MICU1: variants seen among roughly 807,000 people sequenced by gnomAD.
MICU1 encodes the protein calcium uptake protein 1, mitochondrial.
Under a neutral mutation model 56.8 loss-of-function variants are expected in MICU1, and 45 were observed. The ratio of observed to expected loss-of-function variants is 0.79; its 90% CI spans 0.62 to 1.02. The LOEUF (loss-of-function observed/expected upper bound fraction) is 1.02. Ranked by LOEUF, MICU1 falls within the 50% of genes least tolerant of loss-of-function variation. The pLI is 0.00. For synonymous variants in MICU1, 186 were observed against 195.1 expected (o/e 0.95, Z 0.39); for missense variants, 504 against 587.1 (o/e 0.86, Z 1.46).
At chr10:72,526,078 A>AT (rs893888573) in intron 5 of MICU1, among the ~76,000 whole-genome samples, 32 of 148,130 alleles carry the variant, frequency 2.2e-4, no homozygotes, top group South Asian at 6.4e-4. Flanking sequence ...CCAAAGCCAG[A>AT]TTTTTTTTTT....
chr10:72,382,117 T>A (rs541266044), intron 10 of MICU1, among the ~76,000 whole-genome samples: 1 of 151,330 alleles, frequency 6.6e-6, no homozygotes, highest in African/African-American at 2.4e-5. Flanking sequence ...GGATCTGAAT[T>A]CTTTTTTTTT....
chr10:72,597,118 TA>T (rs1564954570), intron 1 of MICU1, among the ~76,000 whole-genome samples: 2 of 152,134 alleles, frequency 1.3e-5, no homozygotes, highest in South Asian at 4.1e-4. Flanking sequence ...TCTATTAATT[TA>T]AAAAAATTTT....
intron 6 of MICU1, among the ~76,000 whole-genome samples, chr10:72,501,496 A>G (rs1287937568): frequency 6.6e-6 from 1 of 151,994 alleles, no homozygotes; most frequent in East Asian, 1.9e-4. Flanking sequence ...TTACCTTGCC[A>G]CCATGCTTAA....
chr10:72,579,241 T>C (rs930144723), intron 1 of MICU1, among the ~76,000 whole-genome samples: 2 of 152,096 alleles, frequency 1.3e-5, no homozygotes, highest in African/African-American at 4.8e-5. Context: ...CAACAAAAAA[T>C]TATTGCTTAT....
At chr10:72,517,882 C>G (rs1867698050) in intron 5 of MICU1, among the ~76,000 whole-genome samples, 1 of 151,624 alleles carries the variant, frequency 6.6e-6, no homozygotes, top group South Asian at 2.1e-4. Context: ...ATTCTTTCCC[C>G]TAAGCAAACA....
chr10:72,523,206 G>A (rs538030023), intron 5 of MICU1, among the ~76,000 whole-genome samples: 1 of 152,210 alleles, frequency 6.6e-6, no homozygotes, highest in South Asian at 2.1e-4. Context: ...GAGAGGAAGA[G>A]TTTTTAGCTA....
chr10:72,523,888 C>G, intron 5 of MICU1: 1 of 1,514,880 alleles, frequency 6.6e-7, no homozygotes, highest in Non-Finnish European at 8.8e-7. Flanking sequence ...AGTTGCTTTT[C>G]CAAATTAAAG....
At position 72,368,156 on chromosome 10, in the gene MICU1, G is replaced by A. The variant is rs776317997; in HGVS notation, c.*39C>T. Reference sequence around the variant, plus strand: ...CCGAGACTCTGCGGAGGGGGTCCAGGGTACTGGGGGTGGAGGGGTCCCCTC... The same window carrying A: ...CCGAGACTCTGCGGAGGGGGTCCAGAGTACTGGGGGTGGAGGGGTCCCCTC... On this transcript the variant is annotated 3_prime_UTR_variant, in exon 12 of 12. Transcript: ENST00000361114. The A allele has an allele frequency of 6.3e-7, 1 of 1,588,762 alleles. No homozygotes were observed. The highest frequency in any genetic ancestry group is 2.3e-5 in the East Asian group (1 of 44,252).
intron 5 of MICU1, among the ~76,000 whole-genome samples, chr10:72,509,709 T>C (rs1867380163): frequency 6.6e-6 from 1 of 152,162 alleles, no homozygotes; most frequent in South Asian, 2.1e-4. Context: ...TAGAGATTAC[T>C]TCTTTGAGTT....
chr10:72,607,470 C>T (rs374763302), intron 1 of MICU1, among the ~76,000 whole-genome samples: 8 of 151,828 alleles, frequency 5.3e-5, no homozygotes, highest in African/African-American at 1.9e-4. Context: ...GAAACCCTGT[C>T]TCTACTAAAA....
intron 1 of MICU1, among the ~76,000 whole-genome samples, chr10:72,607,852 T>TG (rs908139795): frequency 4.4e-4 from 66 of 151,118 alleles, no homozygotes; most frequent in Non-Finnish European, 6.8e-4. Context: ...CATTAACCTG[T>TG]GGGGGGGGTC....
At chr10:72,381,916 T>C (rs930321386) in intron 10 of MICU1, among the ~76,000 whole-genome samples, 1 of 151,064 alleles carries the variant, frequency 6.6e-6, no homozygotes. Context: ...GACACACCCA[T>C]GGGACAATCA....
At chr10:72,531,846 C>A (rs1320056902) in intron 5 of MICU1, among the ~76,000 whole-genome samples, 1 of 150,712 alleles carries the variant, frequency 6.6e-6, no homozygotes. Context: ...TTAAACTGAT[C>A]AAACAATAAA....
At chr10:72,406,608 T>TA (rs371156230) in intron 10 of MICU1, among the ~76,000 whole-genome samples, 136 of 142,340 alleles carry the variant, frequency 9.6e-4, no homozygotes, top group Middle Eastern at 3.6e-3. Flanking sequence ...TACTCCTTAT[T>TA]AAAAAAAAAA....
intron 6 of MICU1, among the ~76,000 whole-genome samples, chr10:72,493,278 GTCA>G (rs1866729584): frequency 6.6e-6 from 1 of 152,066 alleles, no homozygotes; most frequent in Non-Finnish European, 1.5e-5. Flanking sequence ...TATGTTTTGA[GTCA>G]TCATTATGAA....
At position 72,407,031 on chromosome 10, in the gene MICU1, C is replaced by G. The variant is rs375422017; in HGVS notation, c.1180+898G>C. Reference sequence around the variant, plus strand: ...TTGAGTGAAACCTTAGACGAGTGTACATTTATATAATTCCAATGTATGAAG... The same window carrying G: ...TTGAGTGAAACCTTAGACGAGTGTAGATTTATATAATTCCAATGTATGAAG... On this transcript the variant is annotated intron_variant, in intron 10 of 11. Coordinates refer to ENST00000361114, the MANE Select transcript of MICU1 (RefSeq NM_001195518.2). Among the ~76,000 whole-genome samples, 3 of 152,240 alleles carry G rather than the reference C, an allele frequency of 2.0e-5. No homozygotes were observed. The South Asian group carries it at 6.2e-4, about 32-fold the overall frequency.
intron 6 of MICU1, among the ~76,000 whole-genome samples, chr10:72,495,659 A>C (rs1031265399): frequency 1.7e-4 from 10 of 58,062 alleles, no homozygotes; most frequent in Non-Finnish European, 7.2e-4. Context: ...CTGTCTCAAA[A>C]AAAAAAAAAA....
intron 1 of MICU1, among the ~76,000 whole-genome samples, chr10:72,567,983 A>G (rs995558359): frequency 3.9e-5 from 6 of 152,188 alleles, no homozygotes; most frequent in African/African-American, 1.4e-4. Context: ...TAACTTGCTC[A>G]AGAGTACAAA....
Position 72,411,389 on chromosome 10 carries a change from G to A in MICU1, c.1072-3352C>T, listed in dbSNP as rs111473076. On this transcript the variant is annotated intron_variant, in intron 9 of 11. Coordinates refer to ENST00000361114, the MANE Select transcript of MICU1 (RefSeq NM_001195518.2). ...ATCGCCCAGGCTGGAGTGCAGTGGC[G>A]CGATCTCGGCTCACTGCAAGTTCCG... 2.2e-3 allele frequency among the ~76,000 whole-genome samples: 329 copies of A among 151,342 alleles called. 1 individual carries two copies. The highest frequency in any genetic ancestry group is 3.5e-3 in the Non-Finnish European group (239 of 67,892).
Sources: allele counts gnomAD v4.1 joint callset (sites outside exome capture counted in the v4.1 genomes callset), GRCh38; gene constraint gnomAD v4.1.1; transcripts MANE v1.5; gene names NCBI Gene and HGNC (gene_info 2026-07-23, HGNC 2026-07-21).